Variants in ATP6V1C2 observed in about 807,000 individuals in gnomAD.
The protein encoded by ATP6V1C2 is ATPase H+ transporting V1 subunit C2.
In ATP6V1C2, 45 loss-of-function variants were observed where a neutral mutation model predicts 56.8. The ratio of observed to expected loss-of-function variants is 0.79; its 90% CI spans 0.62 to 1.02. The LOEUF (loss-of-function observed/expected upper bound fraction) is 1.02, where lower values mean the gene tolerates loss of function less well. ATP6V1C2 is among the 50% of genes least tolerant of loss of function. The probability of loss-of-function intolerance (pLI) is 0.00; values close to 1 mark genes in which losing one functional copy is unlikely to be tolerated. For missense variants in ATP6V1C2, 463 were observed against 519.7 expected (o/e 0.89, Z 1.06); for synonymous variants, 220 against 201.3 (o/e 1.09, Z -0.79).
At chr2:10,733,827 C>T (rs191091846) in intron 3 of ATP6V1C2, among the ~76,000 whole-genome samples, 3 of 152,030 alleles carry the variant, frequency 2.0e-5, no homozygotes, top group Non-Finnish European at 2.9e-5. Flanking sequence ...CTTCCCCTGT[C>T]GTTGCTTGCC....
chr2:10,763,228 AC>A lies in ATP6V1C2; in HGVS notation c.284-1102del. On this transcript the variant is annotated intron_variant, in intron 4 of 13. Transcript: ENST00000272238. This position sits in a 1 kb window ranked among gnomAD's most constrained non-coding sequence, Gnocchi z 4.2. The stretch of plus-strand genomic sequence containing the variant: ...TAGCGCTGCCAGCCCTCCTCACCTG[AC>A]ACCCGGCGCCCTCCATCACCGGCCA... Among the ~76,000 whole-genome samples the A allele has an allele frequency of 6.6e-6, 1 of 152,000 alleles. No individual in the cohort carries two copies. Among genetic ancestry groups the A allele is most frequent in the South Asian group, 2.1e-4 (1 of 4,804 alleles).
chr2:10,779,707 A>AAG (rs746755191), intron 12 of ATP6V1C2, among the ~76,000 whole-genome samples: 9,233 of 144,890 alleles, frequency 0.064, 460 homozygotes, highest in South Asian at 0.12. Context: ...AAAAAAAAAA[A>AAG]CTTCACTGTG....
chr2:10,729,033 G>A (rs1317710322), intron 3 of ATP6V1C2, among the ~76,000 whole-genome samples: 2 of 151,062 alleles, frequency 1.3e-5, no homozygotes, highest in Non-Finnish European at 2.9e-5. Context: ...GGGAGGCTGA[G>A]GCACAAGAAT....
intron 12 of ATP6V1C2, among the ~76,000 whole-genome samples, chr2:10,781,074 A>G (rs1665318117): frequency 6.6e-6 from 1 of 152,122 alleles, no homozygotes; most frequent in Non-Finnish European, 1.5e-5. Context: ...AGAATGGAGA[A>G]GGCATTATTA....
intron 4 of ATP6V1C2, among the ~76,000 whole-genome samples, chr2:10,759,404 C>T (rs1257118808): frequency 6.6e-5 from 10 of 152,282 alleles, no homozygotes; most frequent in African/African-American, 2.2e-4. Context: ...GGCGATGGGC[C>T]GCAGTCTGGT....
At chr2:10,781,554 C>T (rs1044126125) in intron 12 of ATP6V1C2, among the ~76,000 whole-genome samples, 5 of 152,134 alleles carry the variant, frequency 3.3e-5, no homozygotes, top group Non-Finnish European at 5.9e-5. Flanking sequence ...ATGGCAGCCC[C>T]GTCTGCACAG....
At chr2:10,774,904 C>T (rs1198009783) in intron 9 of ATP6V1C2, 24 bp downstream of exon 9, 1 of 1,612,990 alleles carries the variant, frequency 6.2e-7, no homozygotes, top group Non-Finnish European at 8.5e-7. Context: ...AGGTTTGGTT[C>T]ATCTCCCGCT....
At position 10,763,921 on chromosome 2, in the gene ATP6V1C2, G is replaced by A. The variant is rs1394730825; in HGVS notation, c.284-410G>A. Among the ~76,000 whole-genome samples the A allele has an allele frequency of 6.6e-6, 1 of 152,204 alleles. No homozygotes were observed. Among genetic ancestry groups the A allele is most frequent in the Non-Finnish European group, 1.5e-5 (1 of 68,046 alleles). On this transcript the variant is annotated intron_variant, in intron 4 of 13. Transcript: ENST00000272238. The surrounding 1 kb of genome is among the most constrained non-coding windows in gnomAD (Gnocchi z 4.2). ...ATGAGCCAGAGGCATCCTGAAGGCA[G>A]TGGGTTTTGGGGAAAGAAAAGAAAA...
chr2:10,740,609 G>A (rs1398456894), intron 3 of ATP6V1C2, among the ~76,000 whole-genome samples: 1 of 152,186 alleles, frequency 6.6e-6, no homozygotes, highest in Non-Finnish European at 1.5e-5. Context: ...AAAGACTGTA[G>A]GCCCCAGGGG....
intron 3 of ATP6V1C2, among the ~76,000 whole-genome samples, chr2:10,738,957 C>T (rs545793941): frequency 3.9e-5 from 6 of 152,290 alleles, no homozygotes; most frequent in African/African-American, 1.4e-4. Flanking sequence ...ACCTTCATTG[C>T]GTTCCTGTGT....
At chr2:10,730,083 C>T (rs1272180779) in intron 3 of ATP6V1C2, among the ~76,000 whole-genome samples, 1 of 152,162 alleles carries the variant, frequency 6.6e-6, no homozygotes, top group African/African-American at 2.4e-5. Flanking sequence ...GTTTGATGAA[C>T]TGTATGGAAT....
chr2:10,782,052 G>A (rs1665393294), intron 12 of ATP6V1C2, among the ~76,000 whole-genome samples, 191 bp from the exon 13 acceptor site: 2 of 152,200 alleles, frequency 1.3e-5, no homozygotes, highest in Admixed American at 6.5e-5. Context: ...ATCAGAAGGG[G>A]GTTAGCAAAT....
At chr2:10,767,160 T>TTTC (rs68147635) in intron 5 of ATP6V1C2, among the ~76,000 whole-genome samples, 2 of 2,366 alleles carry the variant, frequency 8.5e-4, no homozygotes. Flanking sequence ...ATTTTTTATC[T>TTTC]TTTTTTTTTT....
intron 3 of ATP6V1C2, among the ~76,000 whole-genome samples, chr2:10,735,832 G>C (rs10803727): frequency 0.41 from 61,499 of 151,418 alleles, 15,498 homozygotes; most frequent in African/African-American, 0.68. Flanking sequence ...AAATGATACC[G>C]CTGACCATGG....
Position 10,780,825 on chromosome 2 carries a change from C to T in ATP6V1C2, c.1062-1418C>T, listed in dbSNP as rs1318435581. Among the ~76,000 whole-genome samples the T allele has an allele frequency of 6.6e-6, 1 of 151,864 alleles. No homozygotes were observed. Among genetic ancestry groups the T allele is most frequent in the Non-Finnish European group, 1.5e-5 (1 of 67,968 alleles). The stretch of plus-strand genomic sequence containing the variant: ...GTGGCACAATCTCAGCTCACTGCGA[C>T]CTCCACCTCCCAGGTTCAAGCAATT... On this transcript the variant is annotated intron_variant, in intron 12 of 13. Coordinates refer to ENST00000272238, the MANE Select transcript of ATP6V1C2 (RefSeq NM_001039362.2). The surrounding 1 kb of genome is among the most constrained non-coding windows in gnomAD (Gnocchi z 4.1).
At chr2:10,760,705 C>T (rs934276040) in intron 4 of ATP6V1C2, among the ~76,000 whole-genome samples, 2 of 152,194 alleles carry the variant, frequency 1.3e-5, no homozygotes, top group African/African-American at 2.4e-5. Flanking sequence ...GTGCCACATG[C>T]ACCCCATGGT....
At chr2:10,765,367 C>T (rs957235870) in intron 5 of ATP6V1C2, among the ~76,000 whole-genome samples, 1 of 152,248 alleles carries the variant, frequency 6.6e-6, no homozygotes, top group African/African-American at 2.4e-5. Context: ...CTGGCCCTCC[C>T]TTCTGCCACA....
At chr2:10,722,279 T>TA (rs1661408884) in intron 1 of ATP6V1C2, among the ~76,000 whole-genome samples, 1 of 151,882 alleles carries the variant, frequency 6.6e-6, no homozygotes, top group South Asian at 2.1e-4. Context: ...AAGACTTTAG[T>TA]AGTTCCCCTC....
At position 10,775,248 on chromosome 2, in the gene ATP6V1C2, G is replaced by A. The variant is rs6707656; in HGVS notation, c.825+177G>A. ...TGAGCAGGGTCTGGGGGGAGGGGCG[G>A]TGAGCACAAAGGAGCCCAGGCGGTG... On this transcript the variant is annotated intron_variant, in intron 10 of 13. Coordinates refer to ENST00000272238, the MANE Select transcript of ATP6V1C2 (RefSeq NM_001039362.2). Among the ~76,000 whole-genome samples, 185 of 152,318 alleles carry A rather than the reference G, an allele frequency of 1.2e-3. 2 individuals carry two copies. Among genetic ancestry groups the A allele is most frequent in the African/African-American group, 4.3e-3 (179 of 41,574 alleles).
Sources: gnomAD v4.1 joint callset for allele counts (sites outside exome capture counted in the v4.1 genomes callset) on GRCh38, gnomAD v4.1.1 for gene constraint, Gnocchi (gnomAD v3.1) non-coding constraint, MANE v1.5 for transcripts, NCBI Gene and HGNC (gene_info 2026-07-23, HGNC 2026-07-21) for gene names.